The following CBLN2 variants were observed in gnomAD, a reference collection of about 807,000 sequenced individuals.
CBLN2 encodes the protein cerebellin 2 precursor, also known as cerebellin-2.
In CBLN2, 7 loss-of-function variants were observed where a neutral mutation model predicts 15.0. The observed-to-expected ratio is 0.47, with a 90% CI of 0.27 to 0.88. The LOEUF (loss-of-function observed/expected upper bound fraction) is 0.88, where lower values mean the gene tolerates loss of function less well. Among genes scored for constraint, CBLN2 ranks in the 40% least tolerant of loss-of-function variants. The probability of loss-of-function intolerance (pLI) is 0.14; values close to 1 mark genes in which losing one functional copy is unlikely to be tolerated. For synonymous variants in CBLN2, 149 were observed against 135.2 expected (o/e 1.10, Z -0.71); for missense variants, 242 against 304.5 (o/e 0.79, Z 1.53).
rs1215016737 is a variant in CBLN2 at position 72,538,292 on chromosome 18, C to T, written c.559G>A (p.Gly187Ser). The T allele has an allele frequency of 6.2e-7, 1 of 1,614,202 alleles. No homozygotes were observed. Among genetic ancestry groups the T allele is most frequent in the Non-Finnish European group, 8.5e-7 (1 of 1,180,042 alleles). ...TCCCTTTCCATGAGCAGCAGCACGC[C>T]ATTGCTAGCAGCTTCTCTGGTGACA... ...QDVTREAASNGVLLLMEREDK... is the reference protein window; with the variant it reads ...QDVTREAASNSVLLLMEREDK... The change falls in exon 5 of 5, where the codon GGC becomes AGC. Residue 187 changes from glycine to serine, a missense_variant. Gly to Ser is a moderately conservative substitution (Grantham distance 56). This residue lies in a region of CBLN2 where 26 missense variants were observed against 70.3 expected (regional missense o/e 0.37). Coordinates refer to ENST00000269503, the MANE Select transcript of CBLN2 (RefSeq NM_182511.4).
intron 1 of CBLN2, among the ~76,000 whole-genome samples, chr18:72,569,682 G>A (rs1021943534): frequency 3.7e-4 from 57 of 152,052 alleles, no homozygotes; most frequent in Admixed American, 3.7e-3. Context: ...AAGAGAGAGA[G>A]GGAGCAGGTG....
chr18:72,569,845 C>T (rs920759650), intron 1 of CBLN2, among the ~76,000 whole-genome samples: 2 of 152,186 alleles, frequency 1.3e-5, no homozygotes, highest in Non-Finnish European at 2.9e-5. Context: ...ACATCCAACA[C>T]TGGGGGTGAC....
At chr18:72,547,732 T>C (rs2069167491), upstream of CBLN2, among the ~76,000 whole-genome samples, 1 of 152,164 alleles carries the variant, frequency 6.6e-6, no homozygotes, top group South Asian at 2.1e-4. Context: ...TGTGCTTTTG[T>C]ATCTGAAAAA....
chr18:72,543,576 A>G lies in CBLN2; in HGVS notation c.-211-46T>C. The G allele has an allele frequency of 2.5e-6, 1 of 396,972 alleles. No individual in the cohort carries two copies. Among genetic ancestry groups the G allele is most frequent in the Non-Finnish European group, 4.4e-6 (1 of 225,112 alleles). The allele number at this position is 396,972 out of a possible 1,614,324, so 24.6% of individuals were successfully genotyped here. On this transcript the variant is annotated intron_variant, in intron 1 of 4. Coordinates refer to ENST00000269503, the MANE Select transcript of CBLN2 (RefSeq NM_182511.4). The surrounding 1 kb of genome is among the most constrained non-coding windows in gnomAD (Gnocchi z 6.8). ...GAGTGGGAGCTGTCGGGAGGAGGAC[A>G]CGGAGCGCGACCCTGCTCCCAGCGC...
chr18:72,572,512 C>T (rs937322405), intron 1 of CBLN2, among the ~76,000 whole-genome samples: 2 of 152,090 alleles, frequency 1.3e-5, no homozygotes, highest in African/African-American at 4.8e-5. Flanking sequence ...ATTTATCTCT[C>T]CTGTTTCTGA....
At chr18:72,569,481 T>C (rs1335753528) in intron 1 of CBLN2, among the ~76,000 whole-genome samples, 2 of 152,208 alleles carry the variant, frequency 1.3e-5, no homozygotes, top group Non-Finnish European at 2.9e-5. Flanking sequence ...ATTATCTTAT[T>C]CTGTGTTACA....
intron 1 of CBLN2, among the ~76,000 whole-genome samples, chr18:72,594,745 T>A (rs1599015365): frequency 6.6e-6 from 1 of 152,148 alleles, no homozygotes; most frequent in African/African-American, 2.4e-5. Context: ...GATTTCTTCT[T>A]GTTTAAATCT....
At chr18:72,599,149 T>A (rs1022843296) in intron 1 of CBLN2, among the ~76,000 whole-genome samples, 1 of 152,182 alleles carries the variant, frequency 6.6e-6, no homozygotes, top group Non-Finnish European at 1.5e-5. Context: ...TCCCCCTCAC[T>A]TTTAATTTTT....
rs1028480153 is a variant in CBLN2, at chr18:72,542,204, G to C, written c.-44C>G. 5.7e-5 allele frequency: 66 copies of C among 1,159,710 alleles called. No individual in the cohort carries two copies. The African/African-American group carries it at 8.9e-4, about 16-fold the overall frequency. 71.8% of individuals were successfully genotyped at this position (1,159,710 alleles called of 1,614,324 possible). ...GCGCGCGGGGGTGGAGGCCGGCGCC[G>C]GCGCGAGCGGCGCGGAAGGGCGCGA... On this transcript the variant is annotated 5_prime_UTR_variant, in exon 3 of 5. Coordinates refer to ENST00000269503, the MANE Select transcript of CBLN2 (RefSeq NM_182511.4).
chr18:72,541,600 TA>T (rs763560524), intron 3 of CBLN2, among the ~76,000 whole-genome samples: 2 of 152,234 alleles, frequency 1.3e-5, no homozygotes, highest in East Asian at 1.9e-4. Context: ...GCTGATCATT[TA>T]AAAGTTTTTA....
intron 1 of CBLN2, among the ~76,000 whole-genome samples, chr18:72,559,665 C>T (rs544488861): frequency 5.5e-4 from 84 of 152,238 alleles, no homozygotes; most frequent in Non-Finnish European, 1.1e-3. Flanking sequence ...AGCCGGTGGC[C>T]GGCATTTAAA....
intron 1 of CBLN2, among the ~76,000 whole-genome samples, chr18:72,625,808 C>CTA (rs1399918601): frequency 0.014 from 925 of 64,414 alleles, 3 homozygotes; most frequent in East Asian, 0.033. Context: ...CTCTCTCTCT[C>CTA]TCTCTCTCTC....
intron 1 of CBLN2, among the ~76,000 whole-genome samples, chr18:72,633,105 T>C (rs897331193): frequency 1.3e-5 from 2 of 152,202 alleles, no homozygotes; most frequent in African/African-American, 4.8e-5. Context: ...ATGTACTAAG[T>C]ATTCAAAAAA....
intron 1 of CBLN2, among the ~76,000 whole-genome samples, chr18:72,627,170 C>T (rs1455167380): frequency 6.6e-6 from 1 of 152,120 alleles, no homozygotes; most frequent in Non-Finnish European, 1.5e-5. Flanking sequence ...ATATGCACTG[C>T]ATCACTAATA....
chr18:72,601,679 A>G (rs2069549094), intron 1 of CBLN2, among the ~76,000 whole-genome samples: 1 of 152,024 alleles, frequency 6.6e-6, no homozygotes. Context: ...TGACTGAAGT[A>G]AATTCCTTCC....
At chr18:72,565,304 T>C (rs2069287369) in intron 1 of CBLN2, among the ~76,000 whole-genome samples, 2 of 152,128 alleles carry the variant, frequency 1.3e-5, no homozygotes, top group Non-Finnish European at 2.9e-5. Flanking sequence ...ACCATTACAG[T>C]ATTTAATATT....
intron 1 of CBLN2, among the ~76,000 whole-genome samples, chr18:72,551,332 G>A (rs2069190806): frequency 6.6e-6 from 1 of 152,160 alleles, no homozygotes; most frequent in African/African-American, 2.4e-5. Flanking sequence ...TTTTATTGGT[G>A]TATGTTTTGG....
chr18:72,599,570 C>A (rs2069534666), intron 1 of CBLN2, among the ~76,000 whole-genome samples: 1 of 152,044 alleles, frequency 6.6e-6, no homozygotes, highest in Non-Finnish European at 1.5e-5. Flanking sequence ...TGCTGATTAA[C>A]CAAATTAGAT....
At chr18:72,599,064 T>C (rs2144940001) in intron 1 of CBLN2, among the ~76,000 whole-genome samples, 1 of 152,340 alleles carries the variant, frequency 6.6e-6, no homozygotes, top group Middle Eastern at 3.4e-3. Context: ...TTTTTCCCTG[T>C]AAATAGGATT....
Sources: gnomAD v4.1 joint callset for allele counts (sites outside exome capture counted in the v4.1 genomes callset) on GRCh38, gnomAD v4.1.1 for gene constraint, gnomAD v4.1.1 regional missense constraint, Gnocchi (gnomAD v3.1) non-coding constraint, MANE v1.5 for transcripts, NCBI Gene and HGNC (gene_info 2026-07-23, HGNC 2026-07-21) for gene names.